NAALADL2: variants seen among roughly 807,000 people sequenced by gnomAD.
NAALADL2 encodes the protein inactive N-acetylated-alpha-linked acidic dipeptidase-like protein 2.
In NAALADL2, 76 loss-of-function variants were observed where a neutral mutation model predicts 87.2. That is an observed-to-expected ratio of 0.87 (90% CI 0.72 to 1.05). NAALADL2 has a LOEUF of 1.05. Among genes scored for constraint, NAALADL2 ranks in the 50% least tolerant of loss-of-function variants. The pLI is 0.00. For missense variants in NAALADL2, 1,089 were observed against 945.8 expected, an observed-to-expected ratio of 1.15 and a Z score of -1.99; for synonymous variants, 354 against 331.0, an observed-to-expected ratio of 1.07 and a Z score of -0.75.
At chr3:175,791,497 A>T (rs765323439) in intron 13 of NAALADL2, among the ~76,000 whole-genome samples, 4 of 152,196 alleles carry the variant, frequency 2.6e-5, no homozygotes, top group Non-Finnish European at 5.9e-5. Flanking sequence ...ACATTGGGAC[A>T]GTTCAACATT....
At chr3:175,708,519 A>T (rs746062134) in intron 11 of NAALADL2, among the ~76,000 whole-genome samples, 9 of 152,012 alleles carry the variant, frequency 5.9e-5, no homozygotes, top group Non-Finnish European at 1.2e-4. Context: ...ATATAATAAT[A>T]AACAGACCAA....
intron 12 of NAALADL2, among the ~76,000 whole-genome samples, chr3:175,753,265 G>A (rs1414533561): frequency 6.6e-6 from 1 of 152,048 alleles, no homozygotes; most frequent in East Asian, 1.9e-4. Flanking sequence ...TAGATTGTGG[G>A]ATATTGAAAA....
intron 2 of NAALADL2, among the ~76,000 whole-genome samples, chr3:174,734,395 G>C (rs751569164): frequency 2.0e-5 from 3 of 152,156 alleles, no homozygotes; most frequent in African/African-American, 7.2e-5. Context: ...AGACTGGGTG[G>C]ATTAAACAAC....
At chr3:175,139,828 C>T (rs1299937931) in intron 2 of NAALADL2, among the ~76,000 whole-genome samples, 1 of 152,052 alleles carries the variant, frequency 6.6e-6, no homozygotes, top group East Asian at 1.9e-4. Flanking sequence ...CTCTTTGTAG[C>T]TGGGTCAAAA....
At position 175,645,116 on chromosome 3, in the gene NAALADL2, A is replaced by ATTT. The variant is rs575084906; in HGVS notation, c.1896+17740_1896+17742dup. Among the ~76,000 whole-genome samples the ATTT allele has an allele frequency of 6.0e-3, 878 of 146,476 alleles. 8 individuals carry two copies. The highest frequency in any genetic ancestry group is 0.021 in the African/African-American group (847 of 40,246). ...TGAAATAAGACTCAGGCGAAGCTGT[A>ATTT]TTTTTTTTTTTTCAATACCTTTCAT... is the stretch of plus-strand genomic sequence containing the variant. On this transcript the variant is annotated intron_variant, in intron 11 of 13. Transcript: ENST00000454872.
intron 1 of NAALADL2, among the ~76,000 whole-genome samples, chr3:174,442,433 T>G (rs563142556): frequency 6.6e-6 from 1 of 152,266 alleles, no homozygotes; most frequent in South Asian, 2.1e-4. Context: ...ATCTCAAGAC[T>G]TATGGGAAAT....
At chr3:175,470,211 C>A (rs531718113) in intron 8 of NAALADL2, among the ~76,000 whole-genome samples, 1 of 152,052 alleles carries the variant, frequency 6.6e-6, no homozygotes, top group South Asian at 2.1e-4. Flanking sequence ...TCATCTGTAA[C>A]AGAGTGTAGA....
At chr3:175,191,279 A>T (rs1046025152) in intron 2 of NAALADL2, among the ~76,000 whole-genome samples, 11 of 152,226 alleles carry the variant, frequency 7.2e-5, no homozygotes, top group African/African-American at 2.4e-4. Flanking sequence ...CAAATATTAT[A>T]GCCAATTCAG....
At chr3:174,545,777 A>G (rs1440062429) in intron 1 of NAALADL2, among the ~76,000 whole-genome samples, 1 of 151,536 alleles carries the variant, frequency 6.6e-6, no homozygotes, top group African/African-American at 2.4e-5. Context: ...TATTCTCTCT[A>G]TATCTTGTGA....
rs548109984 is a variant in NAALADL2, at chr3:175,473,510, A to G, written c.1653+1752A>G. ...CAAAGGATAGCATTATGTAATTTCAATCAATGGGGATTACTTATATATATA... is the reference window on the plus strand; with the variant it reads ...CAAAGGATAGCATTATGTAATTTCAGTCAATGGGGATTACTTATATATATA... On this transcript the variant is annotated intron_variant, in intron 9 of 13. Transcript: ENST00000454872. Among the ~76,000 whole-genome samples the G allele has an allele frequency of 1.2e-4, 19 of 152,120 alleles. No homozygotes were observed. The South Asian group carries it at 3.1e-3, about 25-fold the overall frequency.
At chr3:174,990,338 T>A (rs1197444464) in intron 1 of NAALADL2, among the ~76,000 whole-genome samples, 1 of 152,114 alleles carries the variant, frequency 6.6e-6, no homozygotes, top group East Asian at 1.9e-4. Flanking sequence ...ATTTTATCAG[T>A]CTCTTACACA....
intron 2 of NAALADL2, among the ~76,000 whole-genome samples, chr3:174,725,232 G>C (rs560326832): frequency 6.6e-6 from 1 of 152,224 alleles, no homozygotes; most frequent in East Asian, 1.9e-4. Flanking sequence ...AGTCTTAGGA[G>C]AATCCTTTGG....
intron 6 of NAALADL2, among the ~76,000 whole-genome samples, chr3:175,450,033 C>G (rs1721320739): frequency 6.6e-6 from 1 of 152,102 alleles, no homozygotes; most frequent in Non-Finnish European, 1.5e-5. Context: ...ATTGAACAGT[C>G]TCACTGAGTC....
chr3:174,919,885 T>C (rs954101272), intron 1 of NAALADL2, among the ~76,000 whole-genome samples: 3 of 152,162 alleles, frequency 2.0e-5, no homozygotes, highest in South Asian at 2.1e-4. Flanking sequence ...TTAGCAGCCA[T>C]AGAAACAATA....
At chr3:175,592,315 T>C (rs939824370) in intron 10 of NAALADL2, among the ~76,000 whole-genome samples, 1 of 139,776 alleles carries the variant, frequency 7.2e-6, no homozygotes, top group Admixed American at 7.4e-5. Flanking sequence ...TTCTTTTTTT[T>C]TTTTTTTTTG....
intron 2 of NAALADL2, among the ~76,000 whole-genome samples, chr3:174,679,977 T>G (rs1034813977): frequency 5.9e-5 from 9 of 152,126 alleles, no homozygotes; most frequent in Non-Finnish European, 1.5e-5. Flanking sequence ...GAGTGTGGTC[T>G]TTAGTTGTAG....
intron 9 of NAALADL2, among the ~76,000 whole-genome samples, chr3:175,569,076 T>C (rs886552265): frequency 1.3e-5 from 2 of 152,182 alleles, no homozygotes; most frequent in African/African-American, 2.4e-5. Flanking sequence ...TTTTTTCTGG[T>C]TCACCAAGTT....
intron 1 of NAALADL2, among the ~76,000 whole-genome samples, chr3:174,970,964 G>A (rs1208344876): frequency 6.6e-6 from 1 of 152,186 alleles, no homozygotes; most frequent in African/African-American, 2.4e-5. Flanking sequence ...AGAAAAAGAG[G>A]TTTAATTGGA....
intron 5 of NAALADL2, among the ~76,000 whole-genome samples, chr3:175,368,543 C>A (rs1765982841): frequency 6.6e-6 from 1 of 150,378 alleles, no homozygotes. Flanking sequence ...TTTTTTTATA[C>A]TTTGAAAGGA....
Sources: gnomAD v4.1 joint callset for allele counts (sites outside exome capture counted in the v4.1 genomes callset) on GRCh38, gnomAD v4.1.1 for gene constraint, MANE v1.5 for transcripts, NCBI Gene and HGNC (gene_info 2026-07-23, HGNC 2026-07-21) for gene names.